The following ARHGAP27 variants were observed in gnomAD, a reference collection of about 807,000 sequenced individuals.
The protein encoded by ARHGAP27 is Rho GTPase activating protein 27, also known as rho GTPase-activating protein 27.
Under a neutral mutation model 102.0 loss-of-function variants are expected in ARHGAP27, and 53 were observed. That is an observed-to-expected ratio of 0.52 (90% CI 0.42 to 0.65). The LOEUF is 0.65. Among genes scored for constraint, ARHGAP27 ranks in the 30% least tolerant of loss-of-function variants. The pLI is 0.00. For missense variants in ARHGAP27, 1,117 were observed against 1,256.2 expected (o/e 0.89, Z 1.68); for synonymous variants, 525 against 542.8 (o/e 0.97, Z 0.46).
At chr17:45,428,372 A>G (rs547632705) in intron 4 of ARHGAP27, among the ~76,000 whole-genome samples, 2 of 152,392 alleles carry the variant, frequency 1.3e-5, no homozygotes, top group South Asian at 4.1e-4. Context: ...TTTAAGGCTC[A>G]CAACCCTAAT....
At chr17:45,424,877 AG>A (rs1483902600) in intron 4 of ARHGAP27, among the ~76,000 whole-genome samples, 2 of 152,278 alleles carry the variant, frequency 1.3e-5, no homozygotes, top group East Asian at 3.9e-4. Context: ...GAAGAAAGTG[AG>A]GGGGCAGGTG....
intron 12 of ARHGAP27, among the ~76,000 whole-genome samples, chr17:45,400,360 G>A (rs1220935056): frequency 6.6e-6 from 1 of 152,066 alleles, no homozygotes; most frequent in African/African-American, 2.4e-5. Context: ...GAAAACCCTG[G>A]AGCTGCCTAC....
chr17:45,428,743 G>A (rs1430706441), intron 4 of ARHGAP27, among the ~76,000 whole-genome samples: 5 of 152,100 alleles, frequency 3.3e-5, no homozygotes, highest in Non-Finnish European at 5.9e-5. Context: ...CCTAAGAGAG[G>A]AAAAGAACTG....
intron 4 of ARHGAP27, among the ~76,000 whole-genome samples, chr17:45,419,506 C>CTGTA (rs1239319938): frequency 2.0e-5 from 2 of 97,966 alleles, no homozygotes; most frequent in African/African-American, 4.9e-5. Flanking sequence ...AAGACTTATG[C>CTGTA]TGTATGTATA....
intron 4 of ARHGAP27, among the ~76,000 whole-genome samples, chr17:45,411,286 C>T (rs893349385): frequency 2.0e-5 from 3 of 152,158 alleles, no homozygotes; most frequent in Admixed American, 2.0e-4. Flanking sequence ...TGTCTTCCCT[C>T]CTCCCTTAGA....
In ARHGAP27 at chr17:45,394,085, T is replaced by C. The variant is rs2045335540; in HGVS notation, c.*1371A>G. Reference sequence around the variant, plus strand: ...AAGCTCCACCAGGGCAGGCAGCCCATGCAGTGCCCCTGCCCAGAGCACAGC... The same window carrying C: ...AAGCTCCACCAGGGCAGGCAGCCCACGCAGTGCCCCTGCCCAGAGCACAGC... On this transcript the variant is annotated 3_prime_UTR_variant, in exon 20 of 20. Transcript: ENST00000685559. 6.6e-6 allele frequency: 1 copy of C among 152,664 alleles called. No homozygotes were observed. The highest frequency in any genetic ancestry group is 2.1e-4 in the South Asian group (1 of 4,840). 9.5% of individuals were successfully genotyped at this position (152,664 alleles called of 1,614,324 possible).
rs1247345869 is a variant in ARHGAP27 at position 45,404,660 on chromosome 17, G to A, written c.1270C>T (p.His424Tyr). ...GGATTGTAGAAGTATGGCTTCCCGT[G>A]GGGGTCCTCCAGCCTCACCCACTGT... The part of the protein sequence containing the change: ...QEQWVRLEDP[H>Y]GKPYFYNPED... The change falls in exon 7 of 20, where the codon CAC (histidine) becomes TAC (tyrosine). Residue 424 changes from histidine (H) to tyrosine (Y), a missense_variant. His to Tyr is a moderately conservative substitution (Grantham distance 83). Coordinates refer to ENST00000685559, the MANE Select transcript of ARHGAP27 (RefSeq NM_001282290.2). The A allele has an allele frequency of 6.2e-7, 1 of 1,612,666 alleles. No homozygotes were observed. The highest frequency in any genetic ancestry group is 1.7e-5 in the Admixed American group (1 of 59,426).
At chr17:45,424,074 C>T (rs2049306036) in intron 4 of ARHGAP27, among the ~76,000 whole-genome samples, 1 of 152,216 alleles carries the variant, frequency 6.6e-6, no homozygotes, top group Non-Finnish European at 1.5e-5. Flanking sequence ...CCTAGACAGA[C>T]ATGGAGGCCT....
At chr17:45,408,035 C>T (rs1314903868) in intron 4 of ARHGAP27, 2 of 151,896 alleles carry the variant, frequency 1.3e-5, no homozygotes, top group African/African-American at 2.4e-5. Context: ...CCTCTGCTGA[C>T]TGTGACACCA....
At chr17:45,407,897 C>G (rs2047415895) in intron 4 of ARHGAP27, 1 of 152,170 alleles carries the variant, frequency 6.6e-6, no homozygotes, top group African/African-American at 2.4e-5. Context: ...CGGAAACTTT[C>G]CAAAATGCTA....
At position 45,430,605 on chromosome 17, in the gene ARHGAP27, C is replaced by A. The variant is rs920569552; in HGVS notation, c.-18-308G>T. Among the ~76,000 whole-genome samples, 1 of 152,156 alleles carries A rather than the reference C, an allele frequency of 6.6e-6. No homozygotes were observed. Among genetic ancestry groups the A allele is most frequent in the African/African-American group, 2.4e-5 (1 of 41,444 alleles). ...GGTCCAAATCGACTGCGAGGGAAGC[C>A]TTGGCTTTAAAACGAGGGGTGATTG... On this transcript the variant is annotated intron_variant, in intron 3 of 19. Transcript: ENST00000685559. The surrounding 1 kb of genome is among the most constrained non-coding windows in gnomAD (Gnocchi z 4.4).
At position 45,396,651 on chromosome 17, in the gene ARHGAP27, C is replaced by T. The variant is rs757753044; in HGVS notation, c.2074+17G>A. 1.2e-6 allele frequency: 2 copies of T among 1,613,078 alleles called. No homozygotes were observed. Among genetic ancestry groups the T allele is most frequent in the Admixed American group, 1.7e-5 (1 of 59,976 alleles). ...CGTCCCGGTCCCGGGTCCCCGCCCC[C>T]CGCAGGCCTCGGGTACCTTTGATGT... On this transcript the variant is annotated intron_variant, in intron 15 of 19. Transcript: ENST00000685559.
At position 45,415,279 on chromosome 17, in the gene ARHGAP27, C is replaced by T. The variant is rs115581330; in HGVS notation, c.658-9196G>A. ...CTCTCCAGTGTTTGCTCTTTAAAATCCTCTCCTTCTTGGGCTTCCTCAGGC... is the reference window on the plus strand; with the variant it reads ...CTCTCCAGTGTTTGCTCTTTAAAATTCTCTCCTTCTTGGGCTTCCTCAGGC... On this transcript the variant is annotated intron_variant, in intron 4 of 19. Coordinates refer to ENST00000685559, the MANE Select transcript of ARHGAP27 (RefSeq NM_001282290.2). 5.1e-3 allele frequency among the ~76,000 whole-genome samples: 769 copies of T among 152,066 alleles called. 7 individuals are homozygous for T. The highest frequency in any genetic ancestry group is 0.018 in the African/African-American group (734 of 41,458).
rs1273013770 is a variant in ARHGAP27, at chr17:45,404,106, A to T, written c.1480-10T>A. On this transcript the variant is annotated splice_polypyrimidine_tract_variant and intron_variant, in intron 9 of 19. Coordinates refer to ENST00000685559, the MANE Select transcript of ARHGAP27 (RefSeq NM_001282290.2). ...TGTCCAAGGTCTTGGTCTAAGAGAG[A>T]GAAGAGAGAGCAGGCGCAAGAGTGT... 5 of 1,613,912 alleles carry T rather than the reference A, an allele frequency of 3.1e-6. No individual in the cohort carries two copies. The highest frequency in any genetic ancestry group is 3.3e-5 in the Admixed American group (2 of 59,984).
At position 45,429,729 on chromosome 17, in the gene ARHGAP27, G is replaced by C; in HGVS notation, c.551C>G (p.Ala184Gly). ...SSGSFKACSV[A>G]GSWVCPRPLA... Reference sequence around the variant, plus strand: ...AGGCCGCGGGCACACCCAGGAGCCCGCCACGCTGCAGGCCTTGAAGCTGCC... The same window carrying C: ...AGGCCGCGGGCACACCCAGGAGCCCCCCACGCTGCAGGCCTTGAAGCTGCC... The change falls in exon 4 of 20, where the codon GCG (alanine) becomes GGG (glycine). Residue 184 changes from alanine to glycine, a missense_variant. By Grantham distance (60) the Ala-to-Gly change is moderately conservative (BLOSUM62 0). Around this residue, in one of 3 missense-constraint regions of ARHGAP27, gnomAD observed 610 missense variants for 716.4 expected, o/e 0.85. Coordinates refer to ENST00000685559, the MANE Select transcript of ARHGAP27 (RefSeq NM_001282290.2). 2 of 1,543,198 alleles carry C rather than the reference G, an allele frequency of 1.3e-6. No individual in the cohort carries two copies. The highest frequency in any genetic ancestry group is 1.7e-6 in the Non-Finnish European group (2 of 1,144,320).
At position 45,430,527 on chromosome 17, in the gene ARHGAP27, C is replaced by T. The variant is rs1418426688; in HGVS notation, c.-18-230G>A. 6.6e-6 allele frequency among the ~76,000 whole-genome samples: 1 copy of T among 152,204 alleles called. No homozygotes were observed. Among genetic ancestry groups the T allele is most frequent in the Non-Finnish European group, 1.5e-5 (1 of 68,030 alleles). ...AGCCCTTCGTTCTGTGGGGTTGATT[C>T]TAAGATTTGACCCTTGCTTCAGTCC... On this transcript the variant is annotated intron_variant, in intron 3 of 19. Transcript: ENST00000685559. The surrounding 1 kb of genome is among the most constrained non-coding windows in gnomAD (Gnocchi z 4.4).
chr17:45,410,409 A>T, intron 4 of ARHGAP27: 2 of 1,241,050 alleles, frequency 1.6e-6, no homozygotes, highest in East Asian at 4.4e-5. Flanking sequence ...AGATGGCGGG[A>T]GGCTGAGACT....
Position 45,427,374 on chromosome 17 carries a change from T to C in ARHGAP27, c.657+2249A>G, listed in dbSNP as rs1452814712. ...TGAGCCCCGGCCCCATGTCTTCTCT[T>C]GCTGGCCTCCTATCCAAGAGGGTGA... On this transcript the variant is annotated intron_variant, in intron 4 of 19. Transcript: ENST00000685559. The surrounding 1 kb of genome is among the most constrained non-coding windows in gnomAD (Gnocchi z 4.5). Among the ~76,000 whole-genome samples the C allele has an allele frequency of 6.6e-6, 1 of 152,250 alleles. No homozygotes were observed. The highest frequency in any genetic ancestry group is 1.5e-5 in the Non-Finnish European group (1 of 68,042).
intron 4 of ARHGAP27, among the ~76,000 whole-genome samples, chr17:45,412,257 C>T (rs188391489): frequency 1.3e-5 from 2 of 152,220 alleles, no homozygotes; most frequent in Non-Finnish European, 2.9e-5. Flanking sequence ...TTCCCTCCCC[C>T]CAGTGAGAGG....
Sources: gnomAD v4.1 joint callset for allele counts (sites outside exome capture counted in the v4.1 genomes callset) on GRCh38, gnomAD v4.1.1 for gene constraint, gnomAD v4.1.1 regional missense constraint, Gnocchi (gnomAD v3.1) non-coding constraint, MANE v1.5 for transcripts, NCBI Gene and HGNC (gene_info 2026-07-23, HGNC 2026-07-21) for gene names.